LARS2: variants seen among roughly 807,000 people sequenced by gnomAD.
LARS2 encodes the protein leucyl-tRNA synthetase 2, mitochondrial, also known as leucine--tRNA ligase, mitochondrial.
Under a neutral mutation model 116.6 loss-of-function variants are expected in LARS2, and 81 were observed. The ratio of observed to expected loss-of-function variants is 0.69; its 90% confidence interval spans 0.58 to 0.84. LARS2 has a LOEUF of 0.84. LARS2 is among the 40% of genes least tolerant of loss of function. LARS2 has a pLI of 0.00. For missense variants in LARS2, 968 were observed against 1,114.5 expected, an observed-to-expected ratio of 0.87 and a Z score of 1.87; for synonymous variants, 396 against 407.2, an observed-to-expected ratio of 0.97 and a Z score of 0.33.
intron 5 of LARS2, among the ~76,000 whole-genome samples, chr3:45,418,750 T>C (rs1698471273): frequency 1.3e-5 from 2 of 152,264 alleles, no homozygotes; most frequent in African/African-American, 4.8e-5. Flanking sequence ...CCAGCCTCTC[T>C]ACTGGTGAAT....
chr3:45,415,796 C>T (rs1293975644), intron 4 of LARS2, among the ~76,000 whole-genome samples: 2 of 145,496 alleles, frequency 1.4e-5, no homozygotes, highest in East Asian at 2.0e-4. Context: ...TACAGTGAGC[C>T]GAGATTGCAC....
intron 6 of LARS2, among the ~76,000 whole-genome samples, chr3:45,441,480 CA>C (rs1440528645): frequency 1.3e-5 from 2 of 152,162 alleles, no homozygotes; most frequent in Non-Finnish European, 2.9e-5. Context: ...GGTGTGGCCA[CA>C]AACTAGTGAG....
At chr3:45,477,510 G>T (rs559560717) in intron 10 of LARS2, among the ~76,000 whole-genome samples, 1 of 152,346 alleles carries the variant, frequency 6.6e-6, no homozygotes, top group East Asian at 1.9e-4. Flanking sequence ...GGCAAAGAGA[G>T]GCCAGGCACC....
At position 45,511,398 on chromosome 3, in the gene LARS2, G is replaced by T. The variant is rs550619673; in HGVS notation, c.1761-1737G>T. Among the ~76,000 whole-genome samples the T allele has an allele frequency of 2.2e-4, 34 of 152,270 alleles. 1 individual carries two copies. The South Asian group carries it at 5.6e-3, about 25-fold the overall frequency. On this transcript the variant is annotated intron_variant, in intron 15 of 21. Coordinates refer to ENST00000645846, the MANE Select transcript of LARS2 (RefSeq NM_015340.4). Reference sequence around the variant, plus strand: ...ATGAAATAATAGTGTTAGCAGTCAGGCTATAGGGGCCCATAGTGAGGAGAC... The same window carrying T: ...ATGAAATAATAGTGTTAGCAGTCAGTCTATAGGGGCCCATAGTGAGGAGAC...
At chr3:45,541,381 C>A (rs1455551245) in intron 20 of LARS2, among the ~76,000 whole-genome samples, 1 of 152,126 alleles carries the variant, frequency 6.6e-6, no homozygotes, top group Non-Finnish European at 1.5e-5. Flanking sequence ...CCGTTCACTG[C>A]ATCCTGGCTC....
chr3:45,414,722 CCTGT>C (rs2125684252), intron 4 of LARS2, among the ~76,000 whole-genome samples: 1 of 151,958 alleles, frequency 6.6e-6, no homozygotes, highest in Non-Finnish European at 1.5e-5. Flanking sequence ...CAAACAAGAC[CCTGT>C]CTCTTAAAAA....
chr3:45,476,702 G>A, intron 10 of LARS2, 75 bp downstream of exon 10: 1 of 1,497,954 alleles, frequency 6.7e-7, no homozygotes, highest in Non-Finnish European at 9.2e-7. Flanking sequence ...AGAGTTCAAG[G>A]TCCTTTCCTC....
chr3:45,526,952 T>G (rs1432092993), intron 20 of LARS2, among the ~76,000 whole-genome samples: 2 of 152,206 alleles, frequency 1.3e-5, no homozygotes, highest in Non-Finnish European at 2.9e-5. Flanking sequence ...GGAGTTCAAT[T>G]CAGCATGAAC....
At chr3:45,478,344 C>G (rs1699648321) in intron 10 of LARS2, among the ~76,000 whole-genome samples, 2 of 152,200 alleles carry the variant, frequency 1.3e-5, no homozygotes, top group Non-Finnish European at 1.5e-5. Context: ...GTAAACATCT[C>G]TAGCCCTTAC....
chr3:45,455,455 C>T (rs1449440772), intron 7 of LARS2, among the ~76,000 whole-genome samples: 1 of 152,034 alleles, frequency 6.6e-6, no homozygotes, highest in Non-Finnish European at 1.5e-5. Context: ...CTTGAATGAA[C>T]TGTCTACATT....
chr3:45,404,007 G>A (rs1698195783), intron 4 of LARS2, among the ~76,000 whole-genome samples: 1 of 152,210 alleles, frequency 6.6e-6, no homozygotes. Flanking sequence ...AGTGACAGCT[G>A]TAATTATTAT....
chr3:45,541,993 C>T (rs56248607), intron 21 of LARS2, 37 bp downstream of exon 21: 1 of 1,610,546 alleles, frequency 6.2e-7, no homozygotes, highest in Non-Finnish European at 8.5e-7. Context: ...CCCAGCAGTC[C>T]CTGCCCTGCT....
At position 45,476,632 on chromosome 3, in the gene LARS2, G is replaced by T. The variant is rs765199254; in HGVS notation, c.1018+5G>T. ...TGGCCCTTGTCCCTGGCAAAGGTGA[G>T]CTGGCAAGTTAACGGCTCAGGTGGT... On this transcript the variant is annotated splice_donor_5th_base_variant and intron_variant, in intron 10 of 21. Transcript: ENST00000645846. The T allele has an allele frequency of 1.9e-6, 3 of 1,613,804 alleles. No homozygotes were observed. The highest frequency in any genetic ancestry group is 3.3e-5 in the Admixed American group (2 of 59,990).
At chr3:45,532,805 C>G (rs1700635966) in intron 20 of LARS2, among the ~76,000 whole-genome samples, 1 of 152,096 alleles carries the variant, frequency 6.6e-6, no homozygotes, top group Non-Finnish European at 1.5e-5. Context: ...CCATGCCCGG[C>G]TAATTTTTGT....
At chr3:45,428,776 A>C (rs1698642055) in intron 6 of LARS2, among the ~76,000 whole-genome samples, 1 of 152,200 alleles carries the variant, frequency 6.6e-6, no homozygotes, top group Admixed American at 6.5e-5. Context: ...AGAAAGGTTG[A>C]AAGAATAGTA....
intron 10 of LARS2, among the ~76,000 whole-genome samples, chr3:45,484,618 A>ATATATATATAT (rs1223081345): frequency 2.2e-3 from 31 of 13,894 alleles, no homozygotes; most frequent in Non-Finnish European, 3.5e-3. Flanking sequence ...AAAAAAAAAA[A>ATATATATATAT]AAAAAAAAAA....
intron 4 of LARS2, among the ~76,000 whole-genome samples, chr3:45,416,850 G>T (rs181518254): frequency 2.0e-5 from 3 of 152,042 alleles, no homozygotes; most frequent in Non-Finnish European, 4.4e-5. Context: ...CGATGCGGGC[G>T]GATCACGAGG....
intron 6 of LARS2, 36 bp from the exon 7 acceptor site, chr3:45,446,855 A>G (rs1699028258): frequency 7.7e-7 from 1 of 1,305,298 alleles, no homozygotes; most frequent in Non-Finnish European, 1.1e-6. Flanking sequence ...GGATGTTTAT[A>G]ATGGCCTGTA....
chr3:45,443,715 G>A (rs994513755), intron 6 of LARS2, among the ~76,000 whole-genome samples: 3 of 152,112 alleles, frequency 2.0e-5, no homozygotes, highest in Non-Finnish European at 4.4e-5. Context: ...AAATGAACCC[G>A]CCAGTGATTG....
Sources: gnomAD v4.1 joint callset for allele counts (sites outside exome capture counted in the v4.1 genomes callset) on GRCh38, gnomAD v4.1.1 for gene constraint, MANE v1.5 for transcripts, NCBI Gene and HGNC (gene_info 2026-07-23, HGNC 2026-07-21) for gene names.